SUCLG2: variants seen among roughly 807,000 people sequenced by gnomAD.
The protein encoded by SUCLG2 is succinate-CoA ligase GDP-forming subunit beta, also known as succinate--CoA ligase [GDP-forming] subunit beta, mitochondrial.
In SUCLG2, 42 loss-of-function variants were observed where a neutral mutation model predicts 47.9. That is an observed-to-expected ratio of 0.88 (90% CI 0.69 to 1.14). The LOEUF (loss-of-function observed/expected upper bound fraction) is 1.14, where lower values mean the gene tolerates loss of function less well. Ranked by LOEUF, SUCLG2 falls within the 50% of genes most tolerant of loss-of-function variation. The pLI, the probability that SUCLG2 is intolerant of heterozygous loss-of-function variation, is 0.00. For synonymous variants in SUCLG2, 195 were observed against 197.3 expected (o/e 0.99, Z 0.10); for missense variants, 571 against 525.9 (o/e 1.09, Z -0.84).
At chr3:67,502,340 A>G (rs1178734532) in intron 7 of SUCLG2, among the ~76,000 whole-genome samples, 1 of 152,218 alleles carries the variant, frequency 6.6e-6, no homozygotes, top group Non-Finnish European at 1.5e-5. Flanking sequence ...ACTATCTACA[A>G]TGTTGTGCCA....
intron 10 of SUCLG2, among the ~76,000 whole-genome samples, chr3:67,376,756 A>T (rs1702041625): frequency 6.6e-6 from 1 of 152,194 alleles, no homozygotes. Flanking sequence ...TGCAGCACTG[A>T]TTCCCCTGGG....
intron 2 of SUCLG2, among the ~76,000 whole-genome samples, chr3:67,539,418 C>G (rs1051433726): frequency 1.3e-5 from 2 of 152,132 alleles, no homozygotes; most frequent in African/African-American, 4.8e-5. Flanking sequence ...CCTACTTCAT[C>G]GTGGTGGATA....
intron 10 of SUCLG2, among the ~76,000 whole-genome samples, chr3:67,394,512 T>G (rs889165662): frequency 6.7e-6 from 1 of 150,320 alleles, no homozygotes; most frequent in Non-Finnish European, 1.5e-5. Flanking sequence ...CCAAGAAATA[T>G]GGGACTATGT....
intron 9 of SUCLG2, among the ~76,000 whole-genome samples, chr3:67,493,861 G>A (rs1301442576): frequency 6.6e-6 from 1 of 152,134 alleles, no homozygotes; most frequent in African/African-American, 2.4e-5. Flanking sequence ...GCCACTGATA[G>A]GTGTTTCTAC....
At chr3:67,654,258 G>A (rs995523298) in intron 1 of SUCLG2, among the ~76,000 whole-genome samples, 1 of 152,236 alleles carries the variant, frequency 6.6e-6, no homozygotes, top group Non-Finnish European at 1.5e-5. Flanking sequence ...GCAGACAGCG[G>A]AGACTCTAGT....
At chr3:67,394,416 G>T (rs1267428826) in intron 10 of SUCLG2, among the ~76,000 whole-genome samples, 1 of 144,880 alleles carries the variant, frequency 6.9e-6, no homozygotes, top group Non-Finnish European at 1.5e-5. Context: ...GGAAGAAAGG[G>T]TATCAGTGAT....
intron 7 of SUCLG2, among the ~76,000 whole-genome samples, chr3:67,507,406 A>C (rs1003935964): frequency 2.6e-5 from 4 of 152,162 alleles, no homozygotes; most frequent in South Asian, 4.1e-4. Context: ...TCATTTTATG[A>C]ATGTTAGGGA....
rs181589054 is a variant in SUCLG2, at chr3:67,378,858, T to C, written c.1184-2999A>G. Among the ~76,000 whole-genome samples, 814 of 152,338 alleles carry C rather than the reference T, an allele frequency of 5.3e-3. 7 individuals are homozygous for C. Among genetic ancestry groups the C allele is most frequent in the South Asian group, 0.019 (92 of 4,826 alleles). On this transcript the variant is annotated intron_variant, in intron 10 of 10. Coordinates refer to ENST00000307227, the MANE Select transcript of SUCLG2 (RefSeq NM_003848.4). ...ATTTAGAAACTAATCAAAGCATGGC[T>C]TTCATGGAGTAATGACAGAGTGTGA...
At chr3:67,641,142 A>C (rs770587038) in intron 1 of SUCLG2, among the ~76,000 whole-genome samples, 7 of 152,230 alleles carry the variant, frequency 4.6e-5, no homozygotes, top group Non-Finnish European at 1.0e-4. Flanking sequence ...CCTATTTGGG[A>C]AATGACAATA....
chr3:67,463,565 CT>C (rs1251780687), intron 9 of SUCLG2, among the ~76,000 whole-genome samples: 3 of 152,192 alleles, frequency 2.0e-5, no homozygotes, highest in Admixed American at 6.5e-5. Context: ...CTAATTTATA[CT>C]TTCTTAATAA....
At chr3:67,404,576 G>A (rs1414046727) in intron 9 of SUCLG2, among the ~76,000 whole-genome samples, 1 of 151,982 alleles carries the variant, frequency 6.6e-6, no homozygotes. Context: ...TAGGACACAC[G>A]ATACACCACA....
In SUCLG2 at chr3:67,431,129, C is replaced by T. The variant is rs189594665; in HGVS notation, c.1063-30278G>A. 3.3e-3 allele frequency among the ~76,000 whole-genome samples: 500 copies of T among 152,128 alleles called. 3 individuals are homozygous for T. The highest frequency in any genetic ancestry group is 5.3e-3 in the Non-Finnish European group (360 of 68,010). ...GGCCAGCATCATCTTGATACCAAAG[C>T]CTGGCAGAGACACAACAAAAAAAAA... On this transcript the variant is annotated intron_variant, in intron 9 of 10. Transcript: ENST00000307227.
At chr3:67,520,746 G>T in intron 4 of SUCLG2, 112 bp from the exon 5 acceptor site, 1 of 1,255,388 alleles carries the variant, frequency 8.0e-7, no homozygotes, top group Non-Finnish European at 1.1e-6. Context: ...GGCTCTTACA[G>T]CCCAGGGAGT....
intron 10 of SUCLG2, among the ~76,000 whole-genome samples, chr3:67,391,879 T>C (rs1414809176): frequency 6.6e-6 from 1 of 152,128 alleles, no homozygotes; most frequent in Non-Finnish European, 1.5e-5. Flanking sequence ...TAATTTTCCA[T>C]CTTCTATTCT....
intron 2 of SUCLG2, among the ~76,000 whole-genome samples, chr3:67,531,815 AT>A (rs1171731485): frequency 6.6e-6 from 1 of 152,192 alleles, no homozygotes; most frequent in Non-Finnish European, 1.5e-5. Context: ...TTCAAGGCTT[AT>A]TTACTCAAGG....
chr3:67,421,338 A>T (rs1312848468), intron 9 of SUCLG2, among the ~76,000 whole-genome samples: 1 of 152,192 alleles, frequency 6.6e-6, no homozygotes, highest in Non-Finnish European at 1.5e-5. Context: ...ACGCTAACAG[A>T]GTCCTTTTTA....
At chr3:67,469,166 T>G (rs1290054978) in intron 9 of SUCLG2, among the ~76,000 whole-genome samples, 1 of 152,176 alleles carries the variant, frequency 6.6e-6, no homozygotes, top group Non-Finnish European at 1.5e-5. Flanking sequence ...TGAGGTAGGC[T>G]GGCGAGTTGG....
At chr3:67,544,984 G>T (rs940432370) in intron 2 of SUCLG2, among the ~76,000 whole-genome samples, 1 of 152,082 alleles carries the variant, frequency 6.6e-6, no homozygotes, top group East Asian at 1.9e-4. Flanking sequence ...ACTTTTAAGA[G>T]CTCTAATAAT....
intron 2 of SUCLG2, among the ~76,000 whole-genome samples, chr3:67,563,959 CAAAAAAAAA>C (rs756674869): frequency 5.1e-5 from 4 of 78,192 alleles, no homozygotes; most frequent in Admixed American, 3.6e-4. Context: ...GACTCTGTCT[CAAAAAAAAA>C]AAAAAAAAAA....
Sources: allele counts gnomAD v4.1 joint callset (sites outside exome capture counted in the v4.1 genomes callset), GRCh38; gene constraint gnomAD v4.1.1; transcripts MANE v1.5; gene names NCBI Gene and HGNC (gene_info 2026-07-23, HGNC 2026-07-21).